Variants in LUZP2 observed in about 807,000 individuals in gnomAD.
LUZP2 encodes the protein leucine zipper protein 2.
In LUZP2, 52 loss-of-function variants were observed where a neutral mutation model predicts 51.6. The ratio of observed to expected loss-of-function variants is 1.01; its 90% confidence interval spans 0.81 to 1.27. The LOEUF is 1.27. Ranked by LOEUF, LUZP2 falls within the 50% of genes most tolerant of loss-of-function variation. The pLI is 0.00. For missense variants in LUZP2, 436 were observed against 395.4 expected (o/e 1.10, Z -0.87); for synonymous variants, 154 against 137.3 (o/e 1.12, Z -0.85).
intron 5 of LUZP2, among the ~76,000 whole-genome samples, chr11:24,853,797 T>G (rs1037363298): frequency 2.1e-4 from 32 of 152,122 alleles, no homozygotes; most frequent in Non-Finnish European, 4.4e-4. Context: ...GACCTACGGA[T>G]GGGGTTTTGG....
chr11:24,569,564 T>C (rs568849251), intron 1 of LUZP2, among the ~76,000 whole-genome samples: 1 of 152,182 alleles, frequency 6.6e-6, no homozygotes, highest in African/African-American at 2.4e-5. Flanking sequence ...CTCACTTCTC[T>C]ACATGCCAAT....
In LUZP2 at chr11:24,795,754, A is replaced by G. The variant is rs574941388; in HGVS notation, c.396+32446A>G. Among the ~76,000 whole-genome samples the G allele has an allele frequency of 2.6e-5, 4 of 152,180 alleles. No homozygotes were observed. The South Asian group carries it at 8.3e-4, about 32-fold the overall frequency. The stretch of plus-strand genomic sequence containing the variant: ...CTTGAGATCAGAGAGCTAAAGGAAA[A>G]CACAGAACCCTAGTCTATAGTAAGA... On this transcript the variant is annotated intron_variant, in intron 5 of 11. Transcript: ENST00000336930.
At position 25,027,729 on chromosome 11, in the gene LUZP2, G is replaced by T. The variant is rs569596013; in HGVS notation, c.766-22309G>T. On this transcript the variant is annotated intron_variant, in intron 9 of 11. Coordinates refer to ENST00000336930, the MANE Select transcript of LUZP2 (RefSeq NM_001009909.4). ...TACTAAAAATAAAAAAATTAGCCGG[G>T]CGTGGTGGTGGGTGCCTGTTAATCC... Among the ~76,000 whole-genome samples the T allele has an allele frequency of 2.1e-3, 317 of 152,088 alleles. 1 individual carries two copies. Among genetic ancestry groups the T allele is most frequent in the African/African-American group, 7.4e-3 (308 of 41,516 alleles).
At chr11:24,829,089 G>T (rs1333082852) in intron 5 of LUZP2, among the ~76,000 whole-genome samples, 1 of 152,162 alleles carries the variant, frequency 6.6e-6, no homozygotes, top group Non-Finnish European at 1.5e-5. Flanking sequence ...GAAAAGCTCT[G>T]CTGCCAACTA....
chr11:24,958,681 A>C (rs1855288623), intron 7 of LUZP2, among the ~76,000 whole-genome samples: 1 of 151,874 alleles, frequency 6.6e-6, no homozygotes, highest in South Asian at 2.1e-4. Flanking sequence ...AGGTTGTGAA[A>C]ATTTTCTCCC....
At chr11:24,644,880 A>C (rs1477256346) in intron 1 of LUZP2, among the ~76,000 whole-genome samples, 1 of 152,238 alleles carries the variant, frequency 6.6e-6, no homozygotes, top group Non-Finnish European at 1.5e-5. Context: ...AGTGAAGGCC[A>C]TAATTTTTGG....
At chr11:24,799,019 T>A (rs1171844036) in intron 5 of LUZP2, among the ~76,000 whole-genome samples, 1 of 152,132 alleles carries the variant, frequency 6.6e-6, no homozygotes, top group Non-Finnish European at 1.5e-5. Context: ...ATTATGGTAG[T>A]GGAAGCTTCA....
intron 1 of LUZP2, among the ~76,000 whole-genome samples, chr11:24,504,793 A>G (rs1294431909): frequency 6.6e-6 from 1 of 152,116 alleles, no homozygotes; most frequent in Non-Finnish European, 1.5e-5. Context: ...ATTATAATTT[A>G]TTTTCTAATA....
At chr11:24,618,668 CA>C (rs769683076) in intron 1 of LUZP2, among the ~76,000 whole-genome samples, 4 of 152,166 alleles carry the variant, frequency 2.6e-5, no homozygotes, top group Non-Finnish European at 5.9e-5. Context: ...AACAATTACG[CA>C]GCATTTACTT....
chr11:25,050,703 G>A (rs986735942), intron 10 of LUZP2, among the ~76,000 whole-genome samples: 2 of 151,976 alleles, frequency 1.3e-5, no homozygotes, highest in African/African-American at 4.8e-5. Context: ...GAGGTAAGTG[G>A]AGGACCACAG....
chr11:24,652,004 T>C (rs1482104219), intron 1 of LUZP2, among the ~76,000 whole-genome samples: 1 of 152,096 alleles, frequency 6.6e-6, no homozygotes, highest in East Asian at 1.9e-4. Flanking sequence ...TTTGTGTGTA[T>C]GTGTGTGTAT....
intron 5 of LUZP2, among the ~76,000 whole-genome samples, chr11:24,833,325 A>G (rs1435715349): frequency 1.3e-5 from 2 of 152,220 alleles, no homozygotes; most frequent in Non-Finnish European, 2.9e-5. Context: ...ATATTCACCA[A>G]AACAACTGGG....
At chr11:24,542,452 A>G (rs968525353) in intron 1 of LUZP2, among the ~76,000 whole-genome samples, 1 of 151,842 alleles carries the variant, frequency 6.6e-6, no homozygotes, top group African/African-American at 2.4e-5. Context: ...CAGGATTCTT[A>G]TTTTTTTATG....
intron 5 of LUZP2, among the ~76,000 whole-genome samples, chr11:24,785,033 T>C (rs1849202655): frequency 1.3e-5 from 2 of 151,978 alleles, no homozygotes; most frequent in Admixed American, 1.3e-4. Context: ...TGAAGCCCCA[T>C]TCATATTTCT....
chr11:24,574,235 T>C (rs1194664090), intron 1 of LUZP2, among the ~76,000 whole-genome samples: 10 of 1,814 alleles, frequency 5.5e-3, no homozygotes, highest in African/African-American at 7.8e-3. Flanking sequence ...TTTCTTTCTT[T>C]CTTTCTTTCT....
chr11:24,575,609 T>G (rs530474687), intron 1 of LUZP2, among the ~76,000 whole-genome samples: 1 of 152,190 alleles, frequency 6.6e-6, no homozygotes, highest in Non-Finnish European at 1.5e-5. Context: ...TTTAAGCACT[T>G]TGGCTTGATA....
At chr11:24,572,861 T>A (rs1173485492) in intron 1 of LUZP2, among the ~76,000 whole-genome samples, 1 of 152,064 alleles carries the variant, frequency 6.6e-6, no homozygotes, top group Non-Finnish European at 1.5e-5. Context: ...TTTATTTTTC[T>A]GAGTAAAGAA....
intron 1 of LUZP2, among the ~76,000 whole-genome samples, chr11:24,651,073 A>AT (rs1238334133): frequency 6.6e-6 from 1 of 151,826 alleles, no homozygotes; most frequent in Non-Finnish European, 1.5e-5. Context: ...TTGTATTAAT[A>AT]TTTTCCTTTC....
chr11:24,751,919 A>C (rs1414549885), intron 4 of LUZP2, among the ~76,000 whole-genome samples: 3 of 152,126 alleles, frequency 2.0e-5, no homozygotes, highest in African/African-American at 7.2e-5. Context: ...ACAAAAAATC[A>C]TAAAAAAACT....
Sources: gnomAD v4.1 joint callset for allele counts (sites outside exome capture counted in the v4.1 genomes callset) on GRCh38, gnomAD v4.1.1 for gene constraint, MANE v1.5 for transcripts, NCBI Gene and HGNC (gene_info 2026-07-23, HGNC 2026-07-21) for gene names.